Variants in COL25A1 observed in about 807,000 individuals in gnomAD.
COL25A1 encodes the protein collagen alpha-1(XXV) chain.
COL25A1 carries 103 observed loss-of-function variants against 128.4 expected under a neutral mutation model. The observed-to-expected ratio is 0.80, with a 90% CI of 0.68 to 0.94. The LOEUF (loss-of-function observed/expected upper bound fraction) is 0.94. Among genes scored for constraint, COL25A1 ranks in the 40% least tolerant of loss-of-function variants. The pLI, the probability that COL25A1 is intolerant of heterozygous loss-of-function variation, is 0.00. For missense variants in COL25A1, 745 were observed against 840.0 expected (o/e 0.89, Z 1.40); for synonymous variants, 279 against 277.2 (o/e 1.01, Z -0.06).
chr4:108,819,248 G>A lies in COL25A1; in HGVS notation c.1923+4C>T. ...CAGGGTGGTAGGAAAGAGAAATACT[G>A]TACCAATTGGCAAGGGGCATCCAGC... On this transcript the variant is annotated splice_donor_region_variant and intron_variant, in intron 36 of 37. Transcript: ENST00000399132. 6.2e-7 allele frequency: 1 copy of A among 1,604,028 alleles called. No homozygotes were observed. Among genetic ancestry groups the A allele is most frequent in the South Asian group, 1.1e-5 (1 of 89,968 alleles).
intron 3 of COL25A1, among the ~76,000 whole-genome samples, chr4:109,157,844 C>T (rs1367931439): frequency 2.0e-5 from 3 of 152,194 alleles, no homozygotes; most frequent in African/African-American, 2.4e-5. Flanking sequence ...GCACCTAGCA[C>T]GTGTCCATAC....
intron 6 of COL25A1, among the ~76,000 whole-genome samples, chr4:109,009,871 A>G (rs1184473665): frequency 6.6e-6 from 1 of 152,070 alleles, no homozygotes; most frequent in African/African-American, 2.4e-5. Flanking sequence ...TTTTCTGTTG[A>G]CCGCATTCAT....
intron 3 of COL25A1, among the ~76,000 whole-genome samples, chr4:109,074,658 G>A: frequency 6.6e-6 from 1 of 152,126 alleles, no homozygotes; most frequent in Admixed American, 6.5e-5. Flanking sequence ...CTATCCGAAG[G>A]GAGTTCTGTG....
At chr4:108,955,035 T>A (rs1042659584) in intron 8 of COL25A1, among the ~76,000 whole-genome samples, 2 of 152,030 alleles carry the variant, frequency 1.3e-5, no homozygotes, top group Admixed American at 6.6e-5. Flanking sequence ...GATACCGAGA[T>A]AAGTGACCAG....
At chr4:109,163,830 T>G (rs1417521273) in intron 3 of COL25A1, among the ~76,000 whole-genome samples, 1 of 152,218 alleles carries the variant, frequency 6.6e-6, no homozygotes, top group Non-Finnish European at 1.5e-5. Flanking sequence ...AGAGTCATTT[T>G]TATTTACAAA....
At chr4:109,044,540 G>A (rs552757645) in intron 5 of COL25A1, among the ~76,000 whole-genome samples, 1 of 152,230 alleles carries the variant, frequency 6.6e-6, no homozygotes, top group East Asian at 1.9e-4. Flanking sequence ...AAGTGAAAGT[G>A]AATGACAGCA....
chr4:109,024,571 T>C lies in COL25A1; in HGVS notation c.421-14196A>G, dbSNP rs375688138. 3.9e-5 allele frequency among the ~76,000 whole-genome samples: 6 copies of C among 152,158 alleles called. No homozygotes were observed. The South Asian group carries it at 8.3e-4, about 21-fold the overall frequency. On this transcript the variant is annotated intron_variant, in intron 5 of 37. Transcript: ENST00000399132. ...AAAAATAGTGGTTCCCTACGGATGA[T>C]AGGATTATAAGTAAATATTTTTATT...
rs1385330465 is a variant in COL25A1, at chr4:108,868,580, AGAAG to A, written c.1083+504_1083+507del. The stretch of plus-strand genomic sequence containing the variant: ...GAAAGAAAGAGAAAGAGAGAGAGAA[AGAAG>A]GAAGGAAGGAAGAAAGAAAGAAAAA... On this transcript the variant is annotated intron_variant, in intron 20 of 37. Transcript: ENST00000399132. Among the ~76,000 whole-genome samples, 374 of 135,096 alleles carry A rather than the reference AGAAG, an allele frequency of 2.8e-3. 7 individuals carry two copies. Among genetic ancestry groups the A allele is most frequent in the South Asian group, 0.017 (71 of 4,058 alleles). 88.6% of individuals were successfully genotyped at this position (135,096 alleles called of 152,430 possible). A position where few individuals can be genotyped will look rare whatever the true frequency, so the allele number is the denominator to read the frequency against.
intron 3 of COL25A1, among the ~76,000 whole-genome samples, chr4:109,162,041 T>C (rs920632527): frequency 2.0e-5 from 3 of 152,184 alleles, no homozygotes; most frequent in Admixed American, 1.3e-4. Flanking sequence ...GAAAGTAATG[T>C]AGTATCAAGA....
In COL25A1 at chr4:109,229,145, C is replaced by T. The variant is rs140701218; in HGVS notation, c.367+71438G>A. Among the ~76,000 whole-genome samples the T allele has an allele frequency of 3.9e-4, 58 of 150,330 alleles. 1 individual carries two copies. The highest frequency in any genetic ancestry group is 1.4e-3 in the African/African-American group (56 of 39,756). ...CATAGTTTTAAGTTCTGGGGTACCC[C>T]TCTCCCCTAAAAAAATTGGATTTCT... On this transcript the variant is annotated intron_variant, in intron 3 of 37. Coordinates refer to ENST00000399132, the MANE Select transcript of COL25A1 (RefSeq NM_198721.4).
intron 10 of COL25A1, among the ~76,000 whole-genome samples, chr4:108,939,112 T>A (rs2125925603): frequency 6.6e-6 from 1 of 152,370 alleles, no homozygotes; most frequent in Non-Finnish European, 1.5e-5. Flanking sequence ...TTCAGTATAG[T>A]ATAGCATATA....
chr4:109,006,301 T>A (rs995052278), intron 6 of COL25A1, among the ~76,000 whole-genome samples: 4 of 150,088 alleles, frequency 2.7e-5, no homozygotes, highest in Admixed American at 6.6e-5. Context: ...GCAACCTCCA[T>A]CTCAGGTTCA....
intron 3 of COL25A1, among the ~76,000 whole-genome samples, chr4:109,131,020 G>A (rs147501803): frequency 4.0e-4 from 61 of 152,136 alleles, no homozygotes; most frequent in African/African-American, 1.2e-3. Flanking sequence ...TCAGCATAAC[G>A]ATAAATGAAA....
chr4:109,030,184 A>G (rs1758701189), intron 5 of COL25A1, among the ~76,000 whole-genome samples: 1 of 152,180 alleles, frequency 6.6e-6, no homozygotes, highest in Non-Finnish European at 1.5e-5. Flanking sequence ...TGCCTGGGTC[A>G]TCATTTCACG....
intron 3 of COL25A1, among the ~76,000 whole-genome samples, chr4:109,085,647 C>A (rs894207084): frequency 1.3e-5 from 2 of 152,208 alleles, no homozygotes; most frequent in African/African-American, 2.4e-5. Context: ...TTTTGTCTAG[C>A]ATTCAGTGTT....
In COL25A1 at chr4:108,844,501, G is replaced by C; in HGVS notation, c.1629+18C>G. ...CTCATAAATAAGCAATTACATTTCA[G>C]AAAGAAGGGAAACTTACCATGGGGC... On this transcript the variant is annotated intron_variant, in intron 30 of 37. Coordinates refer to ENST00000399132, the MANE Select transcript of COL25A1 (RefSeq NM_198721.4). 1.2e-6 allele frequency: 2 copies of C among 1,614,112 alleles called. No individual in the cohort carries two copies. Among genetic ancestry groups the C allele is most frequent in the Non-Finnish European group, 1.7e-6 (2 of 1,180,000 alleles).
intron 3 of COL25A1, among the ~76,000 whole-genome samples, chr4:109,185,226 GT>G (rs770156075): frequency 2.2e-4 from 33 of 152,222 alleles, no homozygotes; most frequent in Middle Eastern, 6.8e-3. Flanking sequence ...GTTTATGATA[GT>G]TTTACTTGGA....
chr4:108,945,839 A>T (rs905985244), intron 8 of COL25A1, among the ~76,000 whole-genome samples: 1 of 151,838 alleles, frequency 6.6e-6, no homozygotes, highest in Non-Finnish European at 1.5e-5. Flanking sequence ...TATTTTTTGT[A>T]TTTTTAGTAG....
At chr4:109,179,655 T>C (rs762755015) in intron 3 of COL25A1, among the ~76,000 whole-genome samples, 30 of 152,234 alleles carry the variant, frequency 2.0e-4, no homozygotes, top group Non-Finnish European at 5.9e-5. Flanking sequence ...AGCTGTCTTT[T>C]TTCAGATCTT....
Sources: allele counts gnomAD v4.1 joint callset (sites outside exome capture counted in the v4.1 genomes callset), GRCh38; gene constraint gnomAD v4.1.1; transcripts MANE v1.5; gene names NCBI Gene and HGNC (gene_info 2026-07-23, HGNC 2026-07-21).